The following SIK3 variants were observed in gnomAD, a reference collection of about 807,000 sequenced individuals.
The protein encoded by SIK3 is serine/threonine-protein kinase SIK3.
In SIK3, 28 loss-of-function variants were observed where a neutral mutation model predicts 144.2. The observed-to-expected ratio is 0.19, with a 90% CI of 0.14 to 0.27. The LOEUF (loss-of-function observed/expected upper bound fraction) is 0.27, where lower values mean the gene tolerates loss of function less well. Among genes scored for constraint, SIK3 ranks in the 10% least tolerant of loss-of-function variants. The pLI is 1.00. For synonymous variants in SIK3, 686 were observed against 676.3 expected (o/e 1.01, Z -0.22); for missense variants, 1,319 against 1,776.0 (o/e 0.74, Z 4.62).
At chr11:117,071,473 CCTCT>C (rs1244964900) in intron 1 of SIK3, among the ~76,000 whole-genome samples, 1 of 151,788 alleles carries the variant, frequency 6.6e-6, no homozygotes, top group Non-Finnish European at 1.5e-5. Context: ...AGAGGCCATG[CCTCT>C]CTCTCTTGCT....
chr11:117,058,828 C>A (rs917494643), intron 1 of SIK3, among the ~76,000 whole-genome samples: 2 of 152,204 alleles, frequency 1.3e-5, no homozygotes, highest in African/African-American at 4.8e-5. Context: ...GAAATCATTT[C>A]TTCAGGCCCT....
intron 1 of SIK3, among the ~76,000 whole-genome samples, chr11:117,054,299 G>A (rs770953892): frequency 6.6e-6 from 1 of 152,178 alleles, no homozygotes; most frequent in Non-Finnish European, 1.5e-5. Flanking sequence ...AGCAGGTCAG[G>A]GACAAAGGTA....
chr11:117,084,716 A>C (rs908874891), intron 1 of SIK3, among the ~76,000 whole-genome samples: 1 of 152,206 alleles, frequency 6.6e-6, no homozygotes, highest in Non-Finnish European at 1.5e-5. Flanking sequence ...TTCTATGAAA[A>C]CTTCATCAAA....
intron 1 of SIK3, among the ~76,000 whole-genome samples, chr11:117,060,490 G>A (rs191540994): frequency 1.1e-4 from 16 of 152,014 alleles, no homozygotes; most frequent in Non-Finnish European, 2.1e-4. Flanking sequence ...CCAGCTACTC[G>A]GGAGGCTGAG....
intron 6 of SIK3, among the ~76,000 whole-genome samples, chr11:116,881,390 T>C (rs1435266820): frequency 2.0e-5 from 3 of 152,120 alleles, no homozygotes; most frequent in Non-Finnish European, 4.4e-5. Context: ...GAACGTTAAC[T>C]AGAGGATGTT....
intron 1 of SIK3, among the ~76,000 whole-genome samples, chr11:116,997,923 A>C (rs995169707): frequency 2.0e-5 from 3 of 152,146 alleles, no homozygotes; most frequent in African/African-American, 4.8e-5. Flanking sequence ...GCAGTGCCAT[A>C]ATCATAGCTC....
intron 4 of SIK3, among the ~76,000 whole-genome samples, chr11:116,916,776 C>T (rs371519711): frequency 3.9e-4 from 58 of 149,162 alleles, no homozygotes; most frequent in African/African-American, 1.4e-3. Context: ...TCCCAAAGTG[C>T]TAGGATTACA....
intron 1 of SIK3, among the ~76,000 whole-genome samples, chr11:117,070,935 G>A (rs2135999280): frequency 6.6e-6 from 1 of 151,618 alleles, no homozygotes. Flanking sequence ...TGTCTTTTTA[G>A]TAGAGACGGG....
At chr11:116,978,790 G>A (rs759719926) in intron 1 of SIK3, among the ~76,000 whole-genome samples, 1 of 152,098 alleles carries the variant, frequency 6.6e-6, no homozygotes, top group Admixed American at 6.5e-5. Context: ...TTACAGGCCT[G>A]TACCACTGCA....
rs556463758 is a variant in SIK3, at chr11:116,858,199, T to G, written c.3266A>C (p.Glu1089Ala). ...ATTTTGATAAGATAAAGCCTGGCGC[T>G]CTGTCATGCTCTGTCCCCCAAGGCT... Reference protein sequence around the residue: ...APSLGGQSMTERQALSYQNAD... With the variant: ...APSLGGQSMTARQALSYQNAD... Residue 1089 changes from glutamate to alanine, a missense_variant, in exon 21 of 25, where the codon GAG (glutamate) becomes GCG (alanine). Physicochemically the swap from Glu to Ala is moderately radical, Grantham distance 107 (BLOSUM62 -1). Transcript: ENST00000445177. This position sits in a 1 kb window ranked among gnomAD's most constrained non-coding sequence, Gnocchi z 5.4. 45 of 1,614,144 alleles carry G rather than the reference T, an allele frequency of 2.8e-5. No individual in the cohort carries two copies. Among genetic ancestry groups the G allele is most frequent in the Non-Finnish European group, 3.7e-5 (44 of 1,180,018 alleles).
intron 1 of SIK3, among the ~76,000 whole-genome samples, chr11:117,076,281 G>T (rs1954533142): frequency 6.6e-6 from 1 of 152,108 alleles, no homozygotes; most frequent in Non-Finnish European, 1.5e-5. Context: ...TCTGAACCAA[G>T]GACTGAGTTC....
chr11:116,931,046 A>C (rs1947577412), intron 3 of SIK3, among the ~76,000 whole-genome samples: 1 of 152,226 alleles, frequency 6.6e-6, no homozygotes, highest in Non-Finnish European at 1.5e-5. Flanking sequence ...AAAAAAAGTA[A>C]AAAGTACTTT....
chr11:116,887,060 C>A (rs1050114790), intron 6 of SIK3, among the ~76,000 whole-genome samples: 1 of 151,996 alleles, frequency 6.6e-6, no homozygotes, highest in Non-Finnish European at 1.5e-5. Context: ...CCTTTTACAC[C>A]TAAAAGTCAT....
intron 6 of SIK3, among the ~76,000 whole-genome samples, chr11:116,878,381 CT>C (rs35807799): frequency 0.16 from 23,200 of 144,052 alleles, 1,871 homozygotes; most frequent in African/African-American, 0.18. Context: ...CTCTCTCTCC[CT>C]TTTTTTTTTT....
At chr11:117,018,260 T>G (rs536621088) in intron 1 of SIK3, among the ~76,000 whole-genome samples, 1 of 152,278 alleles carries the variant, frequency 6.6e-6, no homozygotes, top group East Asian at 1.9e-4. Flanking sequence ...GTTGGCCCTC[T>G]GTACAGACAG....
intron 21 of SIK3, among the ~76,000 whole-genome samples, chr11:116,853,410 G>C (rs532871828): frequency 6.6e-6 from 1 of 152,158 alleles, no homozygotes; most frequent in South Asian, 2.1e-4. Flanking sequence ...CTACATGCTC[G>C]AATATTTATC....
intron 4 of SIK3, among the ~76,000 whole-genome samples, chr11:116,919,233 G>T (rs1946830466): frequency 6.6e-6 from 1 of 152,148 alleles, no homozygotes; most frequent in South Asian, 2.1e-4. Flanking sequence ...CTATATGATG[G>T]TATCTCAGTA....
chr11:116,982,820 T>C (rs562826257), intron 1 of SIK3, among the ~76,000 whole-genome samples: 1 of 151,780 alleles, frequency 6.6e-6, no homozygotes, highest in Admixed American at 6.6e-5. Flanking sequence ...GGCACACACC[T>C]GTAGTCCCAG....
At chr11:117,085,175 A>G (rs898213088) in intron 1 of SIK3, among the ~76,000 whole-genome samples, 2 of 151,946 alleles carry the variant, frequency 1.3e-5, no homozygotes, top group African/African-American at 4.8e-5. Context: ...GCAGTGGCGC[A>G]ACCATAGTTT....
Sources: allele counts gnomAD v4.1 joint callset (sites outside exome capture counted in the v4.1 genomes callset), GRCh38; gene constraint gnomAD v4.1.1; non-coding constraint Gnocchi (gnomAD v3.1); transcripts MANE v1.5; gene names NCBI Gene and HGNC (gene_info 2026-07-23, HGNC 2026-07-21).